SAMMSON: variants seen among roughly 807,000 people sequenced by gnomAD.
SAMMSON encodes survival associated mitochondrial melanoma specific oncogenic non-coding RNA, also known as long intergenic non-protein coding RNA 1212.
In SAMMSON at chr3:70,332,603, G is replaced by T. The variant is rs544786161; in HGVS notation, n.740-21572G>T. 206 of 148,334 alleles carry T rather than the reference G, an allele frequency of 1.4e-3. 3 individuals carry two copies. The highest frequency in any genetic ancestry group is 1.7e-3 in the Non-Finnish European group (113 of 66,882). 9.2% of individuals were successfully genotyped at this position (148,334 alleles called of 1,614,324 possible). On this transcript the variant is annotated intron_variant and non_coding_transcript_variant, in intron 7 of 9. Transcript: ENST00000642114. Reference sequence around the variant, plus strand: ...CAGTGTCTGGCACCAGGAAAATTTGGTTTTTTTTTTGAGATGGAGTCTCGC... The same window carrying T: ...CAGTGTCTGGCACCAGGAAAATTTGTTTTTTTTTTTGAGATGGAGTCTCGC...
intron 4 of SAMMSON, among the ~76,000 whole-genome samples, chr3:70,236,930 A>C (rs543557690): frequency 1.1e-3 from 166 of 152,298 alleles, no homozygotes; most frequent in African/African-American, 3.8e-3. Context: ...ATATTTCTTT[A>C]TTAAGCAAGT....
intron 4 of SAMMSON, among the ~76,000 whole-genome samples, chr3:70,207,541 A>G (rs1701304372): frequency 6.6e-6 from 1 of 152,082 alleles, no homozygotes; most frequent in Non-Finnish European, 1.5e-5. Context: ...TGTATTTTAC[A>G]TCTCCTATAC....
At position 70,335,461 on chromosome 3, in the gene SAMMSON, T is replaced by G. The variant is rs531661375; in HGVS notation, n.740-18714T>G. Reference sequence around the variant, plus strand: ...TTTTCATAAAAATTTTATCTAAGTTTTTTTTATAATACCATAGACAATATT... The same window carrying G: ...TTTTCATAAAAATTTTATCTAAGTTGTTTTTATAATACCATAGACAATATT... On this transcript the variant is annotated intron_variant and non_coding_transcript_variant, in intron 7 of 9. Coordinates refer to ENST00000642114, the Ensembl canonical transcript of SAMMSON. 2.6e-5 allele frequency among the ~76,000 whole-genome samples: 4 copies of G among 152,154 alleles called. No individual in the cohort carries two copies. The South Asian group carries it at 6.2e-4, about 24-fold the overall frequency.
chr3:70,208,196 A>G (rs935181562), intron 4 of SAMMSON, among the ~76,000 whole-genome samples: 2 of 152,104 alleles, frequency 1.3e-5, no homozygotes, highest in Non-Finnish European at 2.9e-5. Flanking sequence ...TGGTGGCACA[A>G]CTGGGACGTG....
intron 7 of SAMMSON, among the ~76,000 whole-genome samples, chr3:70,313,819 T>C (rs545561211): frequency 6.6e-6 from 1 of 152,276 alleles, no homozygotes; most frequent in African/African-American, 2.4e-5. Context: ...TTTCTCCCAT[T>C]ATTAATAAGA....
chr3:70,296,983 A>G (rs1173656890), intron 7 of SAMMSON, among the ~76,000 whole-genome samples: 1 of 151,676 alleles, frequency 6.6e-6, no homozygotes. Flanking sequence ...TAATATCCCC[A>G]TGCTCCCCAA....
At chr3:70,105,645 A>G (rs903357913) in intron 4 of SAMMSON, among the ~76,000 whole-genome samples, 17 of 152,200 alleles carry the variant, frequency 1.1e-4, no homozygotes, top group African/African-American at 3.9e-4. Flanking sequence ...TTCAATCTTG[A>G]TGAAACTTGA....
At chr3:70,288,117 CT>C (rs1246524581) in intron 6 of SAMMSON, among the ~76,000 whole-genome samples, 1 of 145,272 alleles carries the variant, frequency 6.9e-6, no homozygotes, top group Non-Finnish European at 1.5e-5. Context: ...AATGTGTTTG[CT>C]CTTGCTTTTC....
intron 3 of SAMMSON, chr3:70,069,000 G>A (rs1306313208): frequency 1.3e-5 from 2 of 152,004 alleles, no homozygotes; most frequent in Non-Finnish European, 2.9e-5. Flanking sequence ...GACAGGTGAG[G>A]CATCCCATTG....
intron 2 of SAMMSON, among the ~76,000 whole-genome samples, chr3:70,405,485 A>C (rs1446024630): frequency 6.6e-6 from 1 of 152,208 alleles, no homozygotes; most frequent in African/African-American, 2.4e-5. Flanking sequence ...TATGAGCATA[A>C]TAGACAAAAA....
At chr3:70,129,655 C>T (rs2067473989) in intron 4 of SAMMSON, among the ~76,000 whole-genome samples, 1 of 150,520 alleles carries the variant, frequency 6.6e-6, no homozygotes, top group Non-Finnish European at 1.5e-5. Flanking sequence ...AGATTATAGT[C>T]TATAGATATG....
intron 8 of SAMMSON, chr3:70,358,218 T>C (rs927239586): frequency 2.0e-5 from 3 of 152,220 alleles, no homozygotes; most frequent in African/African-American, 7.2e-5. Context: ...TTTGCCATTA[T>C]CTTTACTTTT....
At chr3:70,293,041 GAAGCAA>G (rs1702253652) in intron 7 of SAMMSON, among the ~76,000 whole-genome samples, 1 of 57,708 alleles carries the variant, frequency 1.7e-5, no homozygotes. Flanking sequence ...TCTGTGGTTT[GAAGCAA>G]AAAAAAAAAA....
intron 4 of SAMMSON, among the ~76,000 whole-genome samples, chr3:70,087,699 A>G (rs1184414184): frequency 6.6e-6 from 1 of 152,160 alleles, no homozygotes; most frequent in African/African-American, 2.4e-5. Flanking sequence ...CTTGTTATTT[A>G]TCATCAAAAC....
chr3:70,143,543 G>T (rs1202432445), intron 4 of SAMMSON, among the ~76,000 whole-genome samples: 1 of 152,112 alleles, frequency 6.6e-6, no homozygotes, highest in African/African-American at 2.4e-5. Context: ...GCTCCAGGAG[G>T]TTCACCTTTG....
At chr3:70,006,660 C>A (rs1014445165) in intron 1 of SAMMSON, among the ~76,000 whole-genome samples, 11 of 151,668 alleles carry the variant, frequency 7.3e-5, no homozygotes, top group Non-Finnish European at 1.3e-4. Flanking sequence ...TTATTTTTTC[C>A]TTTTTTTTAA....
chr3:70,197,634 A>C (rs1375044461), intron 4 of SAMMSON, among the ~76,000 whole-genome samples: 1 of 152,194 alleles, frequency 6.6e-6, no homozygotes, highest in East Asian at 1.9e-4. Context: ...AGGCTTTGTT[A>C]TTTTTCGACA....
At chr3:70,141,201 G>A (rs1476151102) in intron 4 of SAMMSON, among the ~76,000 whole-genome samples, 4 of 152,084 alleles carry the variant, frequency 2.6e-5, no homozygotes, top group African/African-American at 9.7e-5. Flanking sequence ...TAAGATCTAT[G>A]TACATATAAA....
At chr3:70,324,183 CT>C (rs200095800) in intron 7 of SAMMSON, among the ~76,000 whole-genome samples, 2,312 of 107,244 alleles carry the variant, frequency 0.022, 19 homozygotes, top group Non-Finnish European at 0.03. Context: ...ATCTATCTAT[CT>C]ATCTATCTAT....
Sources: allele counts gnomAD v4.1 joint callset (sites outside exome capture counted in the v4.1 genomes callset), GRCh38; gene constraint gnomAD v4.1.1; transcripts MANE v1.5; gene names NCBI Gene and HGNC (gene_info 2026-07-23, HGNC 2026-07-21).